APBB2: variants seen among roughly 807,000 people sequenced by gnomAD.
APBB2 encodes amyloid beta precursor protein binding family B member 2, also known as Fe65-like 1.
In APBB2, 38 loss-of-function variants were observed where a neutral mutation model predicts 82.5. The ratio of observed to expected loss-of-function variants is 0.46; its 90% CI spans 0.36 to 0.60. APBB2 has a LOEUF of 0.60. Ranked by LOEUF, APBB2 falls within the 20% of genes least tolerant of loss-of-function variation. The pLI, the probability that APBB2 is intolerant of heterozygous loss-of-function variation, is 0.00. For missense variants in APBB2, 772 were observed against 972.3 expected, an observed-to-expected ratio of 0.79 and a Z score of 2.74; for synonymous variants, 341 against 368.2, an observed-to-expected ratio of 0.93 and a Z score of 0.85.
chr4:41,116,934 C>T (rs777059702), intron 2 of APBB2, among the ~76,000 whole-genome samples: 9 of 152,158 alleles, frequency 5.9e-5, no homozygotes, highest in Non-Finnish European at 1.0e-4. Flanking sequence ...CATTCTCACA[C>T]GTTCCCACCT....
chr4:40,897,933 A>G (rs1013876674), intron 10 of APBB2, among the ~76,000 whole-genome samples: 104 of 152,344 alleles, frequency 6.8e-4, no homozygotes, highest in African/African-American at 2.4e-3. Flanking sequence ...CACTTAAAAA[A>G]AAAAGTTAAC....
At chr4:41,075,888 T>C (rs1023834987) in intron 3 of APBB2, among the ~76,000 whole-genome samples, 50 of 152,098 alleles carry the variant, frequency 3.3e-4, no homozygotes, top group African/African-American at 9.9e-4. Context: ...AAGTATAGAG[T>C]GATCAAATGA....
chr4:40,952,377 C>T lies in APBB2; in HGVS notation c.836-7304G>A, dbSNP rs373974488. On this transcript the variant is annotated intron_variant, in intron 6 of 17. Transcript: ENST00000508593. ...CACCGTGTATGCCCCTGGCTGGTGA[C>T]GCCTCTACTGTGACAAGACATCTTC... Among the ~76,000 whole-genome samples, 68 of 152,196 alleles carry T rather than the reference C, an allele frequency of 4.5e-4. No homozygotes were observed. The South Asian group carries it at 0.01, about 23-fold the overall frequency.
chr4:41,185,127 TATGG>T (rs1244248912), intron 1 of APBB2, among the ~76,000 whole-genome samples: 1 of 152,084 alleles, frequency 6.6e-6, no homozygotes, highest in Non-Finnish European at 1.5e-5. Flanking sequence ...AATGGAAATA[TATGG>T]ATGGATGAAG....
At chr4:40,927,924 T>C (rs1039402167) in intron 10 of APBB2, among the ~76,000 whole-genome samples, 1 of 152,264 alleles carries the variant, frequency 6.6e-6, no homozygotes, top group Non-Finnish European at 1.5e-5. Flanking sequence ...CATTAAGTTT[T>C]CTACAATTTG....
intron 2 of APBB2, among the ~76,000 whole-genome samples, chr4:41,132,519 A>G (rs1223288561): frequency 6.6e-6 from 1 of 152,208 alleles, no homozygotes. Context: ...GGAGGCTTCC[A>G]TGGCCACCTC....
rs567466955 is a variant in APBB2, at chr4:40,944,530, G to A, written c.1044+335C>T. Among the ~76,000 whole-genome samples, 36 of 152,084 alleles carry A rather than the reference G, an allele frequency of 2.4e-4. 1 individual carries two copies. The highest frequency in any genetic ancestry group is 4.1e-4 in the South Asian group (2 of 4,822). ...GTTCTTCTGTGTGTAAATATTTTAT[G>A]GAGCCAGCACCATGCAATGGTACCT... On this transcript the variant is annotated intron_variant, in intron 7 of 17. Transcript: ENST00000508593.
intron 6 of APBB2, among the ~76,000 whole-genome samples, chr4:41,012,911 T>C (rs1808798249): frequency 6.6e-6 from 1 of 152,220 alleles, no homozygotes; most frequent in Non-Finnish European, 1.5e-5. Context: ...GTCACCATTT[T>C]AACACCTCCG....
chr4:41,186,421 T>C (rs556904002), intron 1 of APBB2, among the ~76,000 whole-genome samples: 1 of 152,328 alleles, frequency 6.6e-6, no homozygotes, highest in Admixed American at 6.5e-5. Flanking sequence ...TGCAGGGCTG[T>C]GTATGTATGC....
At chr4:41,109,719 C>T (rs1159391900) in intron 2 of APBB2, among the ~76,000 whole-genome samples, 1 of 152,196 alleles carries the variant, frequency 6.6e-6, no homozygotes, top group East Asian at 1.9e-4. Context: ...ATCTGCCCGC[C>T]TCGGCCTCCC....
intron 12 of APBB2, among the ~76,000 whole-genome samples, chr4:40,844,219 C>T (rs977843528): frequency 7.9e-5 from 12 of 152,156 alleles, no homozygotes; most frequent in African/African-American, 2.9e-4. Context: ...TCTTTATTTA[C>T]CCAACATAGA....
chr4:40,859,908 C>G (rs981616284), intron 12 of APBB2, among the ~76,000 whole-genome samples: 3 of 152,224 alleles, frequency 2.0e-5, no homozygotes, highest in Admixed American at 6.5e-5. Context: ...CACTGCTCAC[C>G]TGATGAATCC....
intron 1 of APBB2, among the ~76,000 whole-genome samples, chr4:41,205,246 A>G (rs892738963): frequency 1.3e-5 from 2 of 152,150 alleles, no homozygotes; most frequent in Admixed American, 1.3e-4. Context: ...GTAGGCACCC[A>G]ACTTGGGAGT....
chr4:40,836,801 T>A (rs1161052364), intron 12 of APBB2, among the ~76,000 whole-genome samples: 1 of 152,068 alleles, frequency 6.6e-6, no homozygotes, highest in Non-Finnish European at 1.5e-5. Flanking sequence ...GCCTGAGGAG[T>A]ACAGGAGTTA....
At chr4:40,955,611 A>G (rs1473240444) in intron 6 of APBB2, among the ~76,000 whole-genome samples, 1 of 152,186 alleles carries the variant, frequency 6.6e-6, no homozygotes, top group African/African-American at 2.4e-5. Context: ...ATTTGAATTT[A>G]GCCTTAAAAC....
At chr4:40,964,373 C>A (rs1203872572) in intron 6 of APBB2, among the ~76,000 whole-genome samples, 1 of 152,110 alleles carries the variant, frequency 6.6e-6, no homozygotes, top group Non-Finnish European at 1.5e-5. Flanking sequence ...ATTCAACCAA[C>A]AATTGCAATG....
At chr4:41,048,150 G>A (rs913889603) in intron 4 of APBB2, among the ~76,000 whole-genome samples, 1 of 152,168 alleles carries the variant, frequency 6.6e-6, no homozygotes, top group African/African-American at 2.4e-5. Flanking sequence ...AACACCAGTT[G>A]AGCATCCCAA....
chr4:41,165,487 C>G (rs560837057), intron 1 of APBB2, among the ~76,000 whole-genome samples: 2 of 152,266 alleles, frequency 1.3e-5, no homozygotes, highest in African/African-American at 4.8e-5. Context: ...TTTTCTCTCT[C>G]TCTTCTTATC....
At chr4:40,967,088 A>C (rs1578821214) in intron 6 of APBB2, among the ~76,000 whole-genome samples, 2 of 152,152 alleles carry the variant, frequency 1.3e-5, no homozygotes, top group Non-Finnish European at 2.9e-5. Context: ...TGATGGGATC[A>C]CCTGCCTGTG....
Sources: allele counts gnomAD v4.1 joint callset (sites outside exome capture counted in the v4.1 genomes callset), GRCh38; gene constraint gnomAD v4.1.1; transcripts MANE v1.5; gene names NCBI Gene and HGNC (gene_info 2026-07-23, HGNC 2026-07-21).